Variants in PCNT observed in about 807,000 individuals in gnomAD.
The protein encoded by PCNT is pericentrin.
PCNT carries 319 observed loss-of-function variants against 380.4 expected under a neutral mutation model. The ratio of observed to expected loss-of-function variants is 0.84; its 90% CI spans 0.77 to 0.92. PCNT has a LOEUF of 0.92. PCNT is among the 40% of genes least tolerant of loss of function. The pLI is 0.00. For synonymous variants in PCNT, 1,845 were observed against 1,735.2 expected, an observed-to-expected ratio of 1.06 and a Z score of -1.57; for missense variants, 4,400 against 4,255.3, an observed-to-expected ratio of 1.03 and a Z score of -0.95.
At chr21:46,405,880 A>G (rs2086606979) in intron 27 of PCNT, among the ~76,000 whole-genome samples, 1 of 152,216 alleles carries the variant, frequency 6.6e-6, no homozygotes. Flanking sequence ...TTTAAGGACA[A>G]TCCCCAATAT....
chr21:46,404,927 C>T (rs1369860584), intron 27 of PCNT, among the ~76,000 whole-genome samples: 4 of 151,944 alleles, frequency 2.6e-5, no homozygotes, highest in Non-Finnish European at 5.9e-5. Context: ...AAAGCAAGAC[C>T]CTGTCTCAAA....
chr21:46,411,146 G>A (rs1362810226), intron 27 of PCNT, 43 bp from the exon 28 acceptor site: 1 of 1,590,670 alleles, frequency 6.3e-7, no homozygotes, highest in African/African-American at 1.3e-5. Flanking sequence ...ACATTCGGAA[G>A]TGGATACATT....
intron 14 of PCNT, 46 bp downstream of exon 14, chr21:46,363,980 C>G: frequency 6.4e-7 from 1 of 1,556,772 alleles, no homozygotes; most frequent in African/African-American, 1.3e-5. Context: ...AGGCCAGACA[C>G]CTTGGAGGGT....
intron 15 of PCNT, among the ~76,000 whole-genome samples, chr21:46,369,637 A>T (rs1226017341): frequency 4.6e-5 from 7 of 152,270 alleles, no homozygotes; most frequent in African/African-American, 1.2e-4. Flanking sequence ...GAAAGGAGGA[A>T]CTTGCATATC....
rs759216695 is a variant in PCNT at position 46,366,809 on chromosome 21, T to C, written c.2835T>C (p.Arg945=). 8.1e-6 allele frequency: 13 copies of C among 1,613,828 alleles called. No homozygotes were observed. The highest frequency in any genetic ancestry group is 8.5e-7 in the Non-Finnish European group (1 of 1,180,036). ...ESKQGALLAA[R]VAELQTKHAA... is the part of the protein sequence containing the mutation. ...AGCAGGGGGCTCTGCTGGCTGCACG[T>C]GTGGCCGAACTGCAGACAAAACACG... Residue 945 remains arginine, a synonymous_variant, in exon 15 of 47, where the codon CGT becomes CGC. Coordinates refer to ENST00000359568, the MANE Select transcript of PCNT (RefSeq NM_006031.6).
chr21:46,437,253 G>A (rs995300666), intron 40 of PCNT, among the ~76,000 whole-genome samples, 172 bp downstream of exon 40: 5 of 152,188 alleles, frequency 3.3e-5, no homozygotes, highest in African/African-American at 7.2e-5. Flanking sequence ...TGTGGGCCGA[G>A]TGGGGACGGA....
intron 27 of PCNT, among the ~76,000 whole-genome samples, chr21:46,403,383 T>C (rs1305881032): frequency 2.4e-4 from 27 of 111,996 alleles, no homozygotes; most frequent in African/African-American, 9.5e-4. Flanking sequence ...CGTGGGAGAA[T>C]TGTGTGTGTG....
At chr21:46,437,285 C>T (rs1490818643) in intron 40 of PCNT, among the ~76,000 whole-genome samples, 3 of 151,584 alleles carry the variant, frequency 2.0e-5, no homozygotes, top group Admixed American at 2.0e-4. Flanking sequence ...TCCTGGGGCA[C>T]TTGTGTGGTC....
intron 30 of PCNT, 151 bp downstream of exon 30, chr21:46,416,990 G>A (rs992023060): frequency 5.0e-5 from 35 of 702,144 alleles, no homozygotes; most frequent in Admixed American, 3.5e-4. Context: ...CATCATGGGC[G>A]CATTTAGATT....
In PCNT at chr21:46,430,629, G is replaced by A; in HGVS notation, c.8036G>A (p.Arg2679Lys). The A allele has an allele frequency of 1.3e-6, 2 of 1,570,612 alleles. No individual in the cohort carries two copies. The highest frequency in any genetic ancestry group is 1.7e-6 in the Non-Finnish European group (2 of 1,158,486). The change falls in exon 37 of 47, where the codon AGG becomes AAG. Residue 2679 changes from arginine to lysine, a missense_variant. Physicochemically the swap from Arg to Lys is conservative, Grantham distance 26. Coordinates refer to ENST00000359568, the MANE Select transcript of PCNT (RefSeq NM_006031.6). ...GAGGAGCAGCTGCGGCACCTGCAGAGGGAGAGCCAGAGTGCCAAGGCCCTG... is the reference window on the plus strand; with the variant it reads ...GAGGAGCAGCTGCGGCACCTGCAGAAGGAGAGCCAGAGTGCCAAGGCCCTG... ...LEEEQLRHLQ[R>K]ESQSAKALEE...
At position 46,353,266 on chromosome 21, in the gene PCNT, T is replaced by C. The variant is rs1391211518; in HGVS notation, c.1619T>C (p.Leu540Pro). Residue 540 changes from leucine (L) to proline (P), a missense_variant, in exon 10 of 47, where the codon CTG (leucine) becomes CCG (proline). Transcript: ENST00000359568. ...AEKTYQEDLT[L>P]LQQRLQGARE... ...AAAACTTACCAAGAAGACCTAACCCTGTTACAGCAGAGGCTGCAGGGGGCG... is the reference window on the plus strand; with the variant it reads ...AAAACTTACCAAGAAGACCTAACCCCGTTACAGCAGAGGCTGCAGGGGGCG... 1.2e-6 allele frequency: 2 copies of C among 1,614,044 alleles called. No individual in the cohort carries two copies. The highest frequency in any genetic ancestry group is 2.7e-5 in the African/African-American group (2 of 74,914).
chr21:46,358,745 C>G (rs181789420), intron 13 of PCNT, among the ~76,000 whole-genome samples: 1 of 152,006 alleles, frequency 6.6e-6, no homozygotes, highest in Non-Finnish European at 1.5e-5. Context: ...TTGCCTCAGC[C>G]TCCCTAGTAG....
At chr21:46,326,046 A>G (rs534566674) in intron 1 of PCNT, among the ~76,000 whole-genome samples, 4 of 152,310 alleles carry the variant, frequency 2.6e-5, no homozygotes, top group Admixed American at 2.0e-4. Flanking sequence ...TAAAACTTAA[A>G]TATGCCTTGA....
chr21:46,404,966 G>A (rs1230828126), intron 27 of PCNT, among the ~76,000 whole-genome samples: 1 of 152,186 alleles, frequency 6.6e-6, no homozygotes, highest in African/African-American at 2.4e-5. Context: ...GCCGGGCACA[G>A]TGGCTCTCAC....
rs1430329350 is a variant in PCNT, at chr21:46,398,249, T to C, written c.4578T>C (p.Asp1526=). The change falls in exon 24 of 47, where the codon GAT becomes GAC. Residue 1526 remains aspartate (D), a synonymous_variant. Transcript: ENST00000359568. The part of the protein sequence containing the change: ...GPRDSQQAPL[D]GEVELLQQKL... ...GAAATCGGCAGCAGGCGCCGCTGGATGGAGAGGTGAGGAGGCGTCAACGAG... is the reference window on the plus strand; with the variant it reads ...GAAATCGGCAGCAGGCGCCGCTGGACGGAGAGGTGAGGAGGCGTCAACGAG... 4 of 1,606,580 alleles carry C rather than the reference T, an allele frequency of 2.5e-6. No individual in the cohort carries two copies. The highest frequency in any genetic ancestry group is 3.4e-6 in the Non-Finnish European group (4 of 1,177,772).
Position 46,401,656 on chromosome 21 carries a change from C to T in PCNT, c.4897C>T (p.Pro1633Ser), listed in dbSNP as rs1400351709. 1 of 1,614,004 alleles carries T rather than the reference C, an allele frequency of 6.2e-7. No homozygotes were observed. Among genetic ancestry groups the T allele is most frequent in the Non-Finnish European group, 8.5e-7 (1 of 1,180,012 alleles). ...GRCPEPPSGS[P>S]PEGPEIQLEV... The stretch of plus-strand genomic sequence containing the variant: ...ATGTCCCGAGCCTCCTTCGGGCAGC[C>T]CTCCTGAGGGTCCAGAAATACAGTT... The change falls in exon 26 of 47, where the codon CCT (proline) becomes TCT (serine). Residue 1633 changes from proline (P) to serine (S), a missense_variant. Coordinates refer to ENST00000359568, the MANE Select transcript of PCNT (RefSeq NM_006031.6).
chr21:46,338,300 C>T (rs965734915), intron 3 of PCNT, among the ~76,000 whole-genome samples: 1 of 152,188 alleles, frequency 6.6e-6, no homozygotes, highest in Non-Finnish European at 1.5e-5. Context: ...TCTTTCTAAC[C>T]AGCCGCTCTC....
chr21:46,366,846 G>A lies in PCNT; in HGVS notation c.2872G>A (p.Gly958Ser), dbSNP rs541135644. The A allele has an allele frequency of 1.6e-5, 26 of 1,614,006 alleles. No individual in the cohort carries two copies. Among genetic ancestry groups the A allele is most frequent in the African/African-American group, 1.1e-4 (8 of 75,064 alleles). Reference protein sequence around the residue: ...ELQTKHAADLGALETRHLSSL... With the variant: ...ELQTKHAADLSALETRHLSSL... The stretch of plus-strand genomic sequence containing the variant: ...GCAGACAAAACACGCTGCCGACCTC[G>A]GCGCTCTGGAGACCAGACATCTGTC... Residue 958 changes from glycine to serine, a missense_variant, in exon 15 of 47, where the codon GGC becomes AGC. Gly to Ser is a moderately conservative substitution (Grantham distance 56). Transcript: ENST00000359568.
At position 46,398,220 on chromosome 21, in the gene PCNT, A is replaced by G. The variant is rs201627129; in HGVS notation, c.4564-15A>G. The G allele has an allele frequency of 4.5e-5, 72 of 1,608,652 alleles. No homozygotes were observed. The African/African-American group carries it at 7.1e-4, about 16-fold the overall frequency. On this transcript the variant is annotated splice_polypyrimidine_tract_variant and intron_variant, in intron 23 of 46. Coordinates refer to ENST00000359568, the MANE Select transcript of PCNT (RefSeq NM_006031.6). ...TTCTTTAAATTTTTGCCTTCCATGT[A>G]CATGAAATCGGCAGCAGGCGCCGCT...
Sources: allele counts gnomAD v4.1 joint callset (sites outside exome capture counted in the v4.1 genomes callset), GRCh38; gene constraint gnomAD v4.1.1; transcripts MANE v1.5; gene names NCBI Gene and HGNC (gene_info 2026-07-23, HGNC 2026-07-21).